Variants in LRRC52 observed in about 807,000 individuals in gnomAD.
LRRC52 encodes leucine rich repeat containing 52, also known as leucine-rich repeat-containing protein 52.
In LRRC52, 15 loss-of-function variants were observed where a neutral mutation model predicts 14.7. That is an observed-to-expected ratio of 1.02 (90% CI 0.68 to 1.58). LRRC52 has a LOEUF of 1.58. Among genes scored for constraint, LRRC52 ranks in the 40% most tolerant of loss-of-function variants. LRRC52 has a pLI of 0.00. For missense variants in LRRC52, 400 were observed against 387.7 expected (o/e 1.03, Z -0.27); for synonymous variants, 180 against 163.9 (o/e 1.10, Z -0.75).
Position 165,544,966 on chromosome 1 carries a change from C to T in LRRC52, c.622+48C>T, listed in dbSNP as rs147707752. On this transcript the variant is annotated intron_variant, in intron 1 of 1. Transcript: ENST00000294818. ...GGAAGAGGATGTGATTGAAGTGGCT[C>T]CAGAAAAGGTGAACTCAAAAGATGG... 2,120 of 1,591,462 alleles carry T rather than the reference C, an allele frequency of 1.3e-3. 26 individuals are homozygous for T. The African/African-American group carries it at 0.024, about 18-fold the overall frequency.
Position 165,544,450 on chromosome 1 carries a change from C to A in LRRC52, c.154C>A (p.Pro52Thr). ...GTTAACCGAATACCCCCTTGACATA[C>A]CCCTGAACACCCGGAGGCTGTTCCT... ...KQLTEYPLDI[P>T]LNTRRLFLNE... The change falls in exon 1 of 2, where the codon CCC (proline) becomes ACC (threonine). Residue 52 changes from proline (P) to threonine (T), a missense_variant. Transcript: ENST00000294818. 3.1e-6 allele frequency: 5 copies of A among 1,614,138 alleles called. No homozygotes were observed. Among genetic ancestry groups the A allele is most frequent in the Non-Finnish European group, 4.2e-6 (5 of 1,180,020 alleles).
chr1:165,545,642 G>A (rs285443), intron 1 of LRRC52, among the ~76,000 whole-genome samples: 141,415 of 152,080 alleles, frequency 0.93, 66,072 homozygotes, highest in East Asian at 1. Flanking sequence ...GCTCTTACCT[G>A]GGAGATTTCC....
At chr1:165,558,854 A>G (rs1463504762) in intron 1 of LRRC52, among the ~76,000 whole-genome samples, 3 of 152,242 alleles carry the variant, frequency 2.0e-5, no homozygotes, top group Non-Finnish European at 4.4e-5. Context: ...GCTTACAAAA[A>G]TATACCTTAA....
intron 1 of LRRC52, among the ~76,000 whole-genome samples, chr1:165,553,142 G>C (rs1661168204): frequency 6.6e-6 from 1 of 152,210 alleles, no homozygotes. Context: ...TCAGGAAAAA[G>C]AGTTTCAAGT....
At chr1:165,548,402 A>G (rs987937960) in intron 1 of LRRC52, among the ~76,000 whole-genome samples, 2 of 152,226 alleles carry the variant, frequency 1.3e-5, no homozygotes, top group Admixed American at 6.5e-5. Context: ...CTGAGGTTGC[A>G]TATGGAGACT....
intron 1 of LRRC52, among the ~76,000 whole-genome samples, chr1:165,554,197 T>C (rs1571109076): frequency 6.6e-6 from 1 of 152,310 alleles, no homozygotes; most frequent in East Asian, 1.9e-4. Flanking sequence ...GTTCAATTAA[T>C]GCTAGCTGTC....
rs760214975 is a variant in LRRC52, at chr1:165,544,401, A to G, written c.105A>G (p.Gln35=). Residue 35 remains glutamine, a synonymous_variant, in exon 1 of 2, where the codon CAA becomes CAG. Coordinates refer to ENST00000294818, the MANE Select transcript of LRRC52 (RefSeq NM_001005214.4). ...CAAATAATTGTCTGTGTCAAGCCCA[A>G]GAAGTAATCTGCACAGGGAAGCAGT... The part of the protein sequence containing the change: ...KCPNNCLCQA[Q]EVICTGKQLT... 6.2e-7 allele frequency: 1 copy of G among 1,614,146 alleles called. No homozygotes were observed. Among genetic ancestry groups the G allele is most frequent in the South Asian group, 1.1e-5 (1 of 91,078 alleles).
intron 1 of LRRC52, among the ~76,000 whole-genome samples, chr1:165,551,549 C>G (rs1037886930): frequency 6.6e-6 from 1 of 152,096 alleles, no homozygotes; most frequent in Non-Finnish European, 1.5e-5. Context: ...TAGAGTGGGG[C>G]GGTTTGAGGA....
chr1:165,555,366 G>A (rs1266332866), intron 1 of LRRC52, among the ~76,000 whole-genome samples: 1 of 152,140 alleles, frequency 6.6e-6, no homozygotes, highest in African/African-American at 2.4e-5. Flanking sequence ...GCTCTGGGCT[G>A]GAATAGAAAG....
chr1:165,560,599 T>C (rs961363173), intron 1 of LRRC52, among the ~76,000 whole-genome samples: 1 of 152,176 alleles, frequency 6.6e-6, no homozygotes, highest in Non-Finnish European at 1.5e-5. Flanking sequence ...AACAATCACA[T>C]GTCCTCTGAG....
At chr1:165,547,551 G>A (rs572588232) in intron 1 of LRRC52, among the ~76,000 whole-genome samples, 1 of 152,164 alleles carries the variant, frequency 6.6e-6, no homozygotes, top group South Asian at 2.1e-4. Context: ...AATCAGTCTG[G>A]TTCTTCCTTC....
chr1:165,549,194 G>A (rs999148295), intron 1 of LRRC52, among the ~76,000 whole-genome samples: 1 of 152,180 alleles, frequency 6.6e-6, no homozygotes, highest in Non-Finnish European at 1.5e-5. Flanking sequence ...GTCTCAGCCT[G>A]GGCCATGAGA....
At chr1:165,556,176 T>C (rs1661229589) in intron 1 of LRRC52, among the ~76,000 whole-genome samples, 2 of 152,362 alleles carry the variant, frequency 1.3e-5, no homozygotes, top group South Asian at 2.1e-4. Flanking sequence ...GACAAGCCCA[T>C]GAGAAGGAAT....
intron 1 of LRRC52, among the ~76,000 whole-genome samples, chr1:165,562,969 G>A (rs1661380242): frequency 6.6e-6 from 1 of 152,080 alleles, no homozygotes; most frequent in Non-Finnish European, 1.5e-5. Context: ...CTATAGTTGA[G>A]TGGCTTGCAA....
At position 165,544,049 on chromosome 1, in the gene LRRC52, A is replaced by C; in HGVS notation, c.-248A>C. The stretch of plus-strand genomic sequence containing the variant: ...AAGGGTGAGACCTTTCAAAGCTGCC[A>C]AGTGGGCAAGCTTCCAGCAGCAGTC... On this transcript the variant is annotated 5_prime_UTR_variant, in exon 1 of 2. Coordinates refer to ENST00000294818, the MANE Select transcript of LRRC52 (RefSeq NM_001005214.4). 2 of 550,716 alleles carry C rather than the reference A, an allele frequency of 3.6e-6. No individual in the cohort carries two copies. Among genetic ancestry groups the C allele is most frequent in the Non-Finnish European group, 6.4e-6 (2 of 310,100 alleles). The allele number at this position is 550,716 out of a possible 1,614,324, so 34.1% of individuals were successfully genotyped here. A position where few individuals can be genotyped will look rare whatever the true frequency, so the allele number is the denominator to read the frequency against.
rs1173194387 is a variant in LRRC52, at chr1:165,544,441, C to T, written c.145C>T (p.Leu49Phe). 1.2e-6 allele frequency: 2 copies of T among 1,614,136 alleles called. No individual in the cohort carries two copies. Among genetic ancestry groups the T allele is most frequent in the East Asian group, 4.5e-5 (2 of 44,876 alleles). ...CTGKQLTEYPLDIPLNTRRLF... is the reference protein window; with the variant it reads ...CTGKQLTEYPFDIPLNTRRLF... ...AGGGAAGCAGTTAACCGAATACCCCCTTGACATACCCCTGAACACCCGGAG... is the reference window on the plus strand; with the variant it reads ...AGGGAAGCAGTTAACCGAATACCCCTTTGACATACCCCTGAACACCCGGAG... The change falls in exon 1 of 2, where the codon CTT becomes TTT. Residue 49 changes from leucine to phenylalanine, a missense_variant. Coordinates refer to ENST00000294818, the MANE Select transcript of LRRC52 (RefSeq NM_001005214.4).
intron 1 of LRRC52, among the ~76,000 whole-genome samples, chr1:165,555,195 G>C (rs918918352): frequency 3.3e-5 from 5 of 152,240 alleles, no homozygotes; most frequent in Admixed American, 1.3e-4. Flanking sequence ...GGGAAGAGAA[G>C]AGTGTGCCTG....
intron 1 of LRRC52, among the ~76,000 whole-genome samples, chr1:165,563,063 G>A (rs999268705): frequency 6.6e-6 from 1 of 152,118 alleles, no homozygotes; most frequent in Non-Finnish European, 1.5e-5. Flanking sequence ...AAGTCGGGAT[G>A]GAGGCAAGGG....
chr1:165,546,933 G>C (rs2101823368), intron 1 of LRRC52, among the ~76,000 whole-genome samples: 1 of 152,232 alleles, frequency 6.6e-6, no homozygotes. Flanking sequence ...CATGAATGAA[G>C]AGTCTGTTTT....
Sources: gnomAD v4.1 joint callset for allele counts (sites outside exome capture counted in the v4.1 genomes callset) on GRCh38, gnomAD v4.1.1 for gene constraint, MANE v1.5 for transcripts, NCBI Gene and HGNC (gene_info 2026-07-23, HGNC 2026-07-21) for gene names.